MED27: variants seen among roughly 807,000 people sequenced by gnomAD.
MED27 encodes the protein mediator of RNA polymerase II transcription subunit 27.
A neutral mutation model predicts 38.2 loss-of-function variants in MED27; 30 were observed. The ratio of observed to expected loss-of-function variants is 0.79; its 90% CI spans 0.59 to 1.07. The LOEUF (loss-of-function observed/expected upper bound fraction) is 1.07. Among genes scored for constraint, MED27 ranks in the 50% least tolerant of loss-of-function variants. The probability of loss-of-function intolerance (pLI) is 0.00; values close to 1 mark genes in which losing one functional copy is unlikely to be tolerated. For missense variants in MED27, 289 were observed against 397.5 expected (o/e 0.73, Z 2.32); for synonymous variants, 122 against 153.5 (o/e 0.79, Z 1.52).
At chr9:132,047,286 G>A (rs540880485) in intron 2 of MED27, among the ~76,000 whole-genome samples, 1 of 152,190 alleles carries the variant, frequency 6.6e-6, no homozygotes, top group South Asian at 2.1e-4. Context: ...AAGAGTGAAG[G>A]ACATAAGAGA....
chr9:132,051,000 T>C (rs1833453512), intron 2 of MED27, among the ~76,000 whole-genome samples: 1 of 152,204 alleles, frequency 6.6e-6, no homozygotes, highest in Admixed American at 6.5e-5. Context: ...TCATCACTTG[T>C]CCAGGAAACC....
intron 3 of MED27, among the ~76,000 whole-genome samples, chr9:131,940,073 CT>C (rs1333596634): frequency 6.6e-6 from 1 of 151,222 alleles, no homozygotes. Context: ...CACCTGGCTA[CT>C]TTTTATATTT....
chr9:131,978,120 C>T (rs1831648795), intron 3 of MED27, among the ~76,000 whole-genome samples: 1 of 152,166 alleles, frequency 6.6e-6, no homozygotes, highest in South Asian at 2.1e-4. Context: ...TCTGATCAAG[C>T]ATCTTCACCC....
At chr9:131,942,558 A>T (rs950961699) in intron 3 of MED27, among the ~76,000 whole-genome samples, 1 of 152,184 alleles carries the variant, frequency 6.6e-6, no homozygotes, top group East Asian at 1.9e-4. Flanking sequence ...CATTGAGGCT[A>T]TTGTCCTCAA....
chr9:131,904,944 C>T (rs1461252913), intron 4 of MED27, among the ~76,000 whole-genome samples: 1 of 152,210 alleles, frequency 6.6e-6, no homozygotes, highest in African/African-American at 2.4e-5. Flanking sequence ...CTTCCTATCT[C>T]ATCTCGTCTC....
At chr9:131,989,819 C>G (rs780382710) in intron 3 of MED27, among the ~76,000 whole-genome samples, 1 of 151,918 alleles carries the variant, frequency 6.6e-6, no homozygotes, top group South Asian at 2.1e-4. Context: ...CCTGGCATCA[C>G]TATCAATTCG....
At chr9:131,924,709 TA>T (rs1457997221) in intron 4 of MED27, among the ~76,000 whole-genome samples, 1 of 152,198 alleles carries the variant, frequency 6.6e-6, no homozygotes, top group African/African-American at 2.4e-5. Flanking sequence ...TGCACTGTTC[TA>T]ATGATACAGG....
intron 2 of MED27, among the ~76,000 whole-genome samples, chr9:132,035,623 G>T (rs191798433): frequency 1.1e-3 from 172 of 152,308 alleles, no homozygotes; most frequent in Middle Eastern, 6.8e-3. Flanking sequence ...CAAGGAAACC[G>T]TCTGACAGAG....
intron 2 of MED27, among the ~76,000 whole-genome samples, chr9:132,056,526 A>G (rs1031767039): frequency 2.0e-5 from 3 of 152,240 alleles, no homozygotes; most frequent in African/African-American, 7.2e-5. Context: ...TTCAAAGAAA[A>G]TGTACTTTGG....
rs2131442455 is a variant in MED27 at position 131,860,406 on chromosome 9, T to C, written c.*132A>G. The C allele has an allele frequency of 9.2e-7, 1 of 1,085,410 alleles. No homozygotes were observed. Among genetic ancestry groups the C allele is most frequent in the South Asian group, 1.8e-5 (1 of 56,574 alleles). 67.2% of individuals were successfully genotyped at this position (1,085,410 alleles called of 1,614,324 possible). On this transcript the variant is annotated 3_prime_UTR_variant, in exon 8 of 8. Coordinates refer to ENST00000292035, the MANE Select transcript of MED27 (RefSeq NM_004269.4). This position sits in a 1 kb window ranked among gnomAD's most constrained non-coding sequence, Gnocchi z 5.8. The stretch of plus-strand genomic sequence containing the variant: ...TCTTCAAGAGTGGCCTCTGCACACA[T>C]GGCGCTGCTTTATGAAAGGGAGGAG...
At chr9:131,896,196 C>T (rs915103542) in intron 4 of MED27, among the ~76,000 whole-genome samples, 2 of 152,120 alleles carry the variant, frequency 1.3e-5, no homozygotes, top group African/African-American at 2.4e-5. Context: ...CCACCACGCC[C>T]GGCCAAGTTA....
rs189265053 is a variant in MED27, at chr9:131,893,025, C to T, written c.681+860G>A. ...ATCACGGGCTGTGCTTCTTATGTAACGCCCTGCTATGTGCTAAGCCACAGT... is the reference window on the plus strand; with the variant it reads ...ATCACGGGCTGTGCTTCTTATGTAATGCCCTGCTATGTGCTAAGCCACAGT... On this transcript the variant is annotated intron_variant, in intron 5 of 7. Transcript: ENST00000292035. 4.6e-5 allele frequency among the ~76,000 whole-genome samples: 7 copies of T among 152,306 alleles called. No homozygotes were observed. In the East Asian group the frequency reaches 5.8e-4, roughly 13 times the overall value.
At chr9:132,004,102 C>T (rs769243446) in intron 3 of MED27, among the ~76,000 whole-genome samples, 3 of 152,176 alleles carry the variant, frequency 2.0e-5, no homozygotes, top group Non-Finnish European at 2.9e-5. Context: ...GGAAACCCCC[C>T]GGGACGCAGC....
In MED27 at chr9:131,872,583, G is replaced by C. The variant is rs1329391162; in HGVS notation, c.724-9443C>G. Among the ~76,000 whole-genome samples, 3 of 151,294 alleles carry C rather than the reference G, an allele frequency of 2.0e-5. No homozygotes were observed. The highest frequency in any genetic ancestry group is 4.4e-5 in the Non-Finnish European group (3 of 68,036). On this transcript the variant is annotated intron_variant, in intron 6 of 7. Transcript: ENST00000292035. This position sits in a 1 kb window ranked among gnomAD's most constrained non-coding sequence, Gnocchi z 5.6. ...ACAGAGGGGAACCGTAAGGAGACCG[G>C]GGTTTGACCCTAGCTTAGTGGCGAA...
intron 6 of MED27, among the ~76,000 whole-genome samples, chr9:131,868,054 CCA>C (rs982612204): frequency 6.6e-6 from 1 of 152,162 alleles, no homozygotes; most frequent in Non-Finnish European, 1.5e-5. Context: ...ATGAATGGTA[CCA>C]GTTTCACAGT....
chr9:131,984,054 T>C (rs1036017249), intron 3 of MED27, among the ~76,000 whole-genome samples: 3 of 152,114 alleles, frequency 2.0e-5, no homozygotes, highest in Non-Finnish European at 4.4e-5. Context: ...TATGTCACTG[T>C]TCCCCATCCT....
chr9:131,992,161 G>A (rs1046429759), intron 3 of MED27, among the ~76,000 whole-genome samples: 7 of 152,238 alleles, frequency 4.6e-5, no homozygotes, highest in Admixed American at 3.3e-4. Context: ...CCTTCCACGT[G>A]TAAGAAATAT....
At chr9:131,970,285 G>T (rs1407949548) in intron 3 of MED27, among the ~76,000 whole-genome samples, 3 of 152,250 alleles carry the variant, frequency 2.0e-5, no homozygotes, top group African/African-American at 4.8e-5. Context: ...GGGACGCCCG[G>T]AGTGGAAGGA....
intron 2 of MED27, among the ~76,000 whole-genome samples, chr9:132,061,958 A>G (rs1320583713): frequency 6.6e-6 from 1 of 152,258 alleles, no homozygotes; most frequent in African/African-American, 2.4e-5. Context: ...TCCTTCAGCA[A>G]GCCGAGCTGT....
Sources: gnomAD v4.1 joint callset for allele counts (sites outside exome capture counted in the v4.1 genomes callset) on GRCh38, gnomAD v4.1.1 for gene constraint, Gnocchi (gnomAD v3.1) non-coding constraint, MANE v1.5 for transcripts, NCBI Gene and HGNC (gene_info 2026-07-23, HGNC 2026-07-21) for gene names.